The following EIF3D variants were observed in gnomAD, a reference collection of about 807,000 sequenced individuals.
EIF3D encodes eukaryotic translation initiation factor 3 subunit D.
Under a neutral mutation model 75.4 loss-of-function variants are expected in EIF3D, and 10 were observed. The ratio of observed to expected loss-of-function variants is 0.13; its 90% CI spans 0.08 to 0.22. The LOEUF (loss-of-function observed/expected upper bound fraction) is 0.22, where lower values mean the gene tolerates loss of function less well. Among genes scored for constraint, EIF3D ranks in the 10% least tolerant of loss-of-function variants. EIF3D has a pLI of 1.00. For synonymous variants in EIF3D, 246 were observed against 248.3 expected (o/e 0.99, Z 0.09); for missense variants, 394 against 708.0 (o/e 0.56, Z 5.03).
intron 4 of EIF3D, 120 bp from the exon 5 acceptor site, chr22:36,524,100 C>T (rs577705308): frequency 5.7e-4 from 572 of 999,254 alleles, no homozygotes; most frequent in Non-Finnish European, 8.5e-4. Flanking sequence ...TCACATCTTA[C>T]TCTGTGCTTT....
At position 36,518,783 on chromosome 22, in the gene EIF3D, T is replaced by C. The variant is rs1257915284; in HGVS notation, c.839A>G (p.Lys280Arg). 1 of 1,614,208 alleles carries C rather than the reference T, an allele frequency of 6.2e-7. No homozygotes were observed. The highest frequency in any genetic ancestry group is 8.5e-7 in the Non-Finnish European group (1 of 1,180,028). Reference sequence around the variant, plus strand: ...CTTACCAAAGTCAGAGTTGTCTCTCTTGTCAAAGAAGAGTTTGGACCCAAC... The same window carrying C: ...CTTACCAAAGTCAGAGTTGTCTCTCCTGTCAAAGAAGAGTTTGGACCCAAC... Reference protein sequence around the residue: ...QRVGSKLFFDKRDNSDFDLLT... With the variant: ...QRVGSKLFFDRRDNSDFDLLT... Residue 280 changes from lysine to arginine, a missense_variant, in exon 9 of 15, where the codon AAG becomes AGG. Physicochemically the swap from Lys to Arg is conservative, Grantham distance 26. Transcript: ENST00000216190.
chr22:36,523,172 C>A, intron 6 of EIF3D, 37 bp downstream of exon 6: 1 of 1,565,308 alleles, frequency 6.4e-7, no homozygotes, highest in Non-Finnish European at 8.8e-7. Flanking sequence ...TAAACAGAAC[C>A]AAATTCCAAG....
Position 36,510,876 on chromosome 22 carries a change from T to C in EIF3D, c.*111A>G, listed in dbSNP as rs1036065753. On this transcript the variant is annotated 3_prime_UTR_variant, in exon 15 of 15. Transcript: ENST00000216190. ...GAGGGAAAGACTAAACAGATATATA[T>C]TTTATTTCATCTGCTAAATGTCAGA... is the stretch of plus-strand genomic sequence containing the variant. 7.7e-7 allele frequency: 1 copy of C among 1,307,078 alleles called. No individual in the cohort carries two copies. The highest frequency in any genetic ancestry group is 1.5e-5 in the African/African-American group (1 of 66,386). The allele number at this position is 1,307,078 out of a possible 1,614,324, so 81.0% of individuals were successfully genotyped here.
rs761459696 is a variant in EIF3D, at chr22:36,517,257, G to A, written c.990+44C>T. 8 of 1,612,490 alleles carry A rather than the reference G, an allele frequency of 5.0e-6. No homozygotes were observed. The Admixed American group carries it at 1.2e-4, about 24-fold the overall frequency. ...AGCAGATGCTCCACAAACAGCAGCT[G>A]ATTAAATAAGAATGAATCAATGCCC... On this transcript the variant is annotated intron_variant, in intron 10 of 14. Transcript: ENST00000216190.
intron 5 of EIF3D, among the ~76,000 whole-genome samples, chr22:36,523,663 G>A (rs576088986): frequency 6.6e-6 from 1 of 152,282 alleles, no homozygotes; most frequent in South Asian, 2.1e-4. Flanking sequence ...TTGCCTGCCT[G>A]TGTTTCCCTT....
intron 1 of EIF3D, among the ~76,000 whole-genome samples, chr22:36,528,272 C>T (rs1293508808): frequency 1.3e-5 from 2 of 152,000 alleles, no homozygotes; most frequent in African/African-American, 2.4e-5. Context: ...GGTTTGAGAC[C>T]GTACATCATA....
intron 9 of EIF3D, 90 bp from the exon 10 acceptor site, chr22:36,517,521 A>C (rs1296348606): frequency 7.0e-7 from 1 of 1,423,650 alleles, no homozygotes; most frequent in Non-Finnish European, 9.3e-7. Context: ...GAGGCAAACA[A>C]CACAAGTCCT....
At chr22:36,512,412 C>G in intron 13 of EIF3D, 48 bp downstream of exon 13, 3 of 1,609,898 alleles carry the variant, frequency 1.9e-6, no homozygotes, top group Non-Finnish European at 2.5e-6. Flanking sequence ...CCTACCCAGA[C>G]CCTTCCTTTC....
rs189640325 is a variant in EIF3D at position 36,527,518 on chromosome 22, G to A, written c.-10-1387C>T. Reference sequence around the variant, plus strand: ...AACCTTCTGAAAATGCTTAGAAGGCGAGTTCCTAGAGGAAAATTCACTACA... The same window carrying A: ...AACCTTCTGAAAATGCTTAGAAGGCAAGTTCCTAGAGGAAAATTCACTACA... On this transcript the variant is annotated intron_variant, in intron 1 of 14. Coordinates refer to ENST00000216190, the MANE Select transcript of EIF3D (RefSeq NM_003753.4). Among the ~76,000 whole-genome samples, 9 of 152,284 alleles carry A rather than the reference G, an allele frequency of 5.9e-5. 1 individual carries two copies. The highest frequency in any genetic ancestry group is 6.8e-3 in the Middle Eastern group (2 of 294).
intron 3 of EIF3D, among the ~76,000 whole-genome samples, chr22:36,525,270 G>C (rs1305170651): frequency 3.7e-5 from 5 of 133,796 alleles, no homozygotes; most frequent in African/African-American, 1.4e-4. Context: ...TTGGAGACAG[G>C]ATCTGGCTCT....
At chr22:36,527,988 A>C (rs548866294) in intron 1 of EIF3D, among the ~76,000 whole-genome samples, 6 of 152,346 alleles carry the variant, frequency 3.9e-5, no homozygotes, top group Admixed American at 3.9e-4. Flanking sequence ...AATAGAAACT[A>C]TAGGAAGAGG....
At chr22:36,518,667 A>G (rs2145873449) in intron 9 of EIF3D, 96 bp downstream of exon 9, 1 of 1,494,822 alleles carries the variant, frequency 6.7e-7, no homozygotes, top group Non-Finnish European at 9.1e-7. Context: ...TTGGGAAGAC[A>G]GACCACTTTC....
chr22:36,520,720 G>C (rs1229191078), intron 6 of EIF3D, 32 bp from the exon 7 acceptor site: 1 of 1,472,514 alleles, frequency 6.8e-7, no homozygotes, highest in East Asian at 2.3e-5. Flanking sequence ...GGAAAAAAAA[G>C]TTATAGTCCA....
In EIF3D at chr22:36,516,805, G is replaced by T. The variant is rs778027509; in HGVS notation, c.991-15C>A. 5 of 1,612,450 alleles carry T rather than the reference G, an allele frequency of 3.1e-6. No homozygotes were observed. The South Asian group carries it at 5.5e-5, about 18-fold the overall frequency. Reference sequence around the variant, plus strand: ...CTTTCCTTCCCCTGCAAAAACAAAGGTGTCACAAGACAGAGCTAACTTTGT... The same window carrying T: ...CTTTCCTTCCCCTGCAAAAACAAAGTTGTCACAAGACAGAGCTAACTTTGT... On this transcript the variant is annotated splice_polypyrimidine_tract_variant and intron_variant, in intron 10 of 14. Coordinates refer to ENST00000216190, the MANE Select transcript of EIF3D (RefSeq NM_003753.4).
intron 7 of EIF3D, among the ~76,000 whole-genome samples, chr22:36,519,830 T>A (rs1419223433): frequency 6.6e-6 from 1 of 152,146 alleles, no homozygotes; most frequent in Admixed American, 6.5e-5. Context: ...TAGGCTGACT[T>A]CTCGTCTGGT....
At chr22:36,526,832 T>G (rs12167049) in intron 1 of EIF3D, 8,807 of 152,076 alleles carry the variant, frequency 0.058, 425 homozygotes, top group African/African-American at 0.13. Context: ...CAAATGATCC[T>G]CCCGCCTCGA....
Position 36,519,613 on chromosome 22 carries a change from G to A in EIF3D, c.579-76C>T. On this transcript the variant is annotated intron_variant, in intron 7 of 14. Transcript: ENST00000216190. ...TTTTTTCTTTTAAGCCATACATCCA[G>A]AAGTCTTATCCAAAAGTCTAAAAGA... 4.4e-6 allele frequency: 7 copies of A among 1,589,730 alleles called. No individual in the cohort carries two copies. The South Asian group carries it at 4.5e-5, about 10-fold the overall frequency.
chr22:36,525,493 G>C (rs1934585159), intron 3 of EIF3D, among the ~76,000 whole-genome samples, 171 bp downstream of exon 3: 1 of 152,032 alleles, frequency 6.6e-6, no homozygotes, highest in Admixed American at 6.6e-5. Flanking sequence ...AGTTTTGAGG[G>C]CTATTTCCAA....
intron 9 of EIF3D, among the ~76,000 whole-genome samples, chr22:36,518,234 T>C (rs79480863): frequency 0.023 from 3,512 of 152,206 alleles, 129 homozygotes; most frequent in African/African-American, 0.081. Flanking sequence ...CTCACACCTC[T>C]AATCGCAGCA....
Sources: gnomAD v4.1 joint callset for allele counts (sites outside exome capture counted in the v4.1 genomes callset) on GRCh38, gnomAD v4.1.1 for gene constraint, MANE v1.5 for transcripts, NCBI Gene and HGNC (gene_info 2026-07-23, HGNC 2026-07-21) for gene names.